Variants in GLIS3 observed in about 807,000 individuals in gnomAD.
GLIS3 encodes the protein GLIS family zinc finger 3.
GLIS3 carries 53 observed loss-of-function variants against 78.6 expected under a neutral mutation model. The observed-to-expected ratio is 0.67, with a 90% CI of 0.54 to 0.85. GLIS3 has a LOEUF of 0.85. GLIS3 is among the 40% of genes least tolerant of loss of function. GLIS3 has a pLI of 0.00. For synonymous variants in GLIS3, 684 were observed against 509.9 expected (o/e 1.34, Z -4.60); for missense variants, 1,703 against 1,231.1 (o/e 1.38, Z -5.74).
chr9:4,269,320 G>C (rs1434166454), intron 2 of GLIS3, among the ~76,000 whole-genome samples: 2 of 152,050 alleles, frequency 1.3e-5, no homozygotes, highest in African/African-American at 4.8e-5. Context: ...CAAATCATGT[G>C]ACAAGACCTG....
At chr9:4,443,065 T>C in the GLIS3 span, among the ~76,000 whole-genome samples, 1 of 152,178 alleles carries the variant, frequency 6.6e-6, no homozygotes, top group Admixed American at 6.5e-5. Flanking sequence ...CAAGCATTGA[T>C]TGGTAGCAAT....
At chr9:4,193,749 T>C (rs1818544998) in intron 2 of GLIS3, among the ~76,000 whole-genome samples, 1 of 152,232 alleles carries the variant, frequency 6.6e-6, no homozygotes, top group East Asian at 1.9e-4. Context: ...GATCTGTCTG[T>C]GCAGATGTCT....
At position 4,059,829 on chromosome 9, in the gene GLIS3, T is replaced by TGTGTGTGTGTGTGTGA; in HGVS notation, c.1710+57938_1710+57939insTCACACACACACACAC. Among the ~76,000 whole-genome samples, 118 of 100,708 alleles carry TGTGTGTGTGTGTGTGA rather than the reference T, an allele frequency of 1.2e-3. 3 individuals carry two copies. Among genetic ancestry groups the TGTGTGTGTGTGTGTGA allele is most frequent in the Middle Eastern group, 0.013 (2 of 158 alleles). 66.1% of individuals were successfully genotyped at this position (100,708 alleles called of 152,430 possible). On this transcript the variant is annotated intron_variant, in intron 4 of 10. Transcript: ENST00000381971. ...TTGTGTGTGTGTGTGTGTGTGTGTG[T>TGTGTGTGTGTGTGTGA]GAGAGAGAGAGAGAGAGAGAGAGAG...
rs149105778 is a variant in GLIS3 at position 4,182,151 on chromosome 9, G to C, written c.389-56210C>G. Among the ~76,000 whole-genome samples the C allele has an allele frequency of 1.5e-4, 23 of 152,164 alleles. No individual in the cohort carries two copies. In the East Asian group the frequency reaches 4.4e-3, roughly 29 times the overall value. On this transcript the variant is annotated intron_variant, in intron 2 of 10. Coordinates refer to ENST00000381971, the MANE Select transcript of GLIS3 (RefSeq NM_001042413.2). ...CTATAAGGACCGTTTTTTCCTTTGG[G>C]GTTTGTTAACGTTATTGTTCATTTT...
chr9:4,456,646 T>G, the GLIS3 span, among the ~76,000 whole-genome samples: 1 of 152,228 alleles, frequency 6.6e-6, no homozygotes, highest in South Asian at 2.1e-4. Context: ...CTCACTAGGA[T>G]TAATCTTTTC....
At chr9:4,298,982 C>T (rs1293490975) in intron 1 of GLIS3, among the ~76,000 whole-genome samples, 1 of 152,212 alleles carries the variant, frequency 6.6e-6, no homozygotes, top group Non-Finnish European at 1.5e-5. Flanking sequence ...CATCAGTTCC[C>T]ACTTCGCCAA....
chr9:4,449,033 G>A, the GLIS3 span, among the ~76,000 whole-genome samples: 1 of 152,300 alleles, frequency 6.6e-6, no homozygotes, highest in Middle Eastern at 3.4e-3. Context: ...CACCTGGGAG[G>A]CACAAGGGGT....
intron 4 of GLIS3, among the ~76,000 whole-genome samples, chr9:3,994,660 C>T (rs1016218306): frequency 1.3e-5 from 2 of 152,194 alleles, no homozygotes; most frequent in Non-Finnish European, 2.9e-5. Context: ...AAACCTGCCT[C>T]CTGACCTCTA....
intron 7 of GLIS3, among the ~76,000 whole-genome samples, chr9:3,887,995 G>C (rs1202903414): frequency 6.6e-6 from 1 of 151,996 alleles, no homozygotes; most frequent in African/African-American, 2.4e-5. Context: ...ACTCACCTTC[G>C]AAGGATTCAT....
intron 2 of GLIS3, among the ~76,000 whole-genome samples, chr9:4,339,892 G>C (rs558991507): frequency 2.0e-4 from 27 of 136,840 alleles, no homozygotes; most frequent in African/African-American, 6.9e-4. Context: ...GAAAGGAAAG[G>C]AAAGGAAAAG....
intron 4 of GLIS3, among the ~76,000 whole-genome samples, chr9:4,023,234 T>G (rs992235710): frequency 6.6e-6 from 1 of 152,208 alleles, no homozygotes; most frequent in African/African-American, 2.4e-5. Context: ...ATTATCTGTT[T>G]TAGATTCTAA....
intron 1 of GLIS3, among the ~76,000 whole-genome samples, chr9:4,288,964 T>A (rs1217280091): frequency 6.6e-6 from 1 of 152,162 alleles, no homozygotes; most frequent in African/African-American, 2.4e-5. Flanking sequence ...GATATTAGAA[T>A]GTAAAAATAA....
In GLIS3 at chr9:4,286,621, C is replaced by G. The variant is rs1828025036; in HGVS notation, c.-98-98G>C. ...GTGTATCATTCATAAGGAAGAAAAG[C>G]AGCACTCTTAGCAAGATGGCCTTTT... On this transcript the variant is annotated intron_variant, in intron 1 of 10. Transcript: ENST00000381971. 4.5e-6 allele frequency: 3 copies of G among 671,094 alleles called. No individual in the cohort carries two copies. The South Asian group carries it at 5.4e-5, about 12-fold the overall frequency. The allele number at this position is 671,094 out of a possible 1,614,324, so 41.6% of individuals were successfully genotyped here.
intron 8 of GLIS3, among the ~76,000 whole-genome samples, chr9:3,863,059 G>T (rs1000908677): frequency 1.3e-5 from 2 of 151,996 alleles, no homozygotes; most frequent in African/African-American, 2.4e-5. Flanking sequence ...AACTTAAAAA[G>T]AAAAGCCCAG....
At chr9:4,480,196 CTTTCTT>C in the GLIS3 span, among the ~76,000 whole-genome samples, 758 of 133,288 alleles carry the variant, frequency 5.7e-3, 11 homozygotes, top group African/African-American at 0.021. Flanking sequence ...CCAGGCTGGG[CTTTCTT>C]TTTTTTTTTT....
At chr9:3,838,083 T>G (rs1315464211) in intron 9 of GLIS3, among the ~76,000 whole-genome samples, 2 of 152,124 alleles carry the variant, frequency 1.3e-5, no homozygotes, top group Non-Finnish European at 2.9e-5. Flanking sequence ...AATAGTCTAT[T>G]AAATGGGTGG....
At chr9:4,317,949 A>G (rs1817465707) in intron 2 of GLIS3, among the ~76,000 whole-genome samples, 1 of 152,234 alleles carries the variant, frequency 6.6e-6, no homozygotes, top group African/African-American at 2.4e-5. Flanking sequence ...ATGATAAATA[A>G]TATTAAAAAA....
At chr9:4,161,403 A>G (rs1835464385) in intron 2 of GLIS3, among the ~76,000 whole-genome samples, 1 of 152,190 alleles carries the variant, frequency 6.6e-6, no homozygotes, top group South Asian at 2.1e-4. Flanking sequence ...CAATAAGAAT[A>G]AAAAGAATGT....
At chr9:3,934,694 C>A (rs1423653263) in intron 5 of GLIS3, among the ~76,000 whole-genome samples, 1 of 152,176 alleles carries the variant, frequency 6.6e-6, no homozygotes, top group Non-Finnish European at 1.5e-5. Flanking sequence ...TAGGCGTGAG[C>A]CACCGTGCCC....
Sources: allele counts gnomAD v4.1 joint callset (sites outside exome capture counted in the v4.1 genomes callset), GRCh38; gene constraint gnomAD v4.1.1; transcripts MANE v1.5; gene names NCBI Gene and HGNC (gene_info 2026-07-23, HGNC 2026-07-21).